EIF4E3: variants seen among roughly 807,000 people sequenced by gnomAD.
EIF4E3 encodes the protein eukaryotic translation initiation factor 4E type 3.
In EIF4E3, 26 loss-of-function variants were observed where a neutral mutation model predicts 31.7. The observed-to-expected ratio is 0.82, with a 90% CI of 0.60 to 1.14. The LOEUF is 1.14. EIF4E3 is among the 50% of genes most tolerant of loss of function. The pLI, the probability that EIF4E3 is intolerant of heterozygous loss-of-function variation, is 0.00. For missense variants in EIF4E3, 304 were observed against 270.9 expected, an observed-to-expected ratio of 1.12 and a Z score of -0.86; for synonymous variants, 128 against 107.7, an observed-to-expected ratio of 1.19 and a Z score of -1.17.
upstream of EIF4E3, among the ~76,000 whole-genome samples, chr3:71,753,797 G>A (rs1218158656): frequency 6.7e-6 from 1 of 148,746 alleles, no homozygotes; most frequent in East Asian, 1.9e-4. Flanking sequence ...GGCCCTGTCC[G>A]CAGTGAAGCC....
intron 6 of EIF4E3, 121 bp downstream of exon 6, chr3:71,689,889 T>C (rs2049039772): frequency 2.0e-6 from 2 of 998,210 alleles, no homozygotes; most frequent in South Asian, 3.6e-5. Context: ...TTTTGTTGAA[T>C]TATTTTCTGA....
intron 2 of EIF4E3, among the ~76,000 whole-genome samples, chr3:71,700,609 G>A (rs1307840682): frequency 9.6e-4 from 80 of 82,926 alleles, no homozygotes; most frequent in African/African-American, 4.0e-3. Flanking sequence ...GCGAGACTCC[G>A]TTTAAAAAAA....
chr3:71,669,645 A>G, the EIF4E3 span, among the ~76,000 whole-genome samples: 1 of 151,774 alleles, frequency 6.6e-6, no homozygotes, highest in South Asian at 2.1e-4. Flanking sequence ...ATCTTCCCAG[A>G]CTCTGGTAAC....
chr3:71,693,094 A>T (rs2049086004), intron 5 of EIF4E3, among the ~76,000 whole-genome samples: 1 of 152,156 alleles, frequency 6.6e-6, no homozygotes, highest in African/African-American at 2.4e-5. Flanking sequence ...ACTTAACTGA[A>T]AGCTGGGGAA....
At chr3:71,664,409 G>A in the EIF4E3 span, among the ~76,000 whole-genome samples, 2 of 151,908 alleles carry the variant, frequency 1.3e-5, no homozygotes, top group African/African-American at 2.4e-5. Flanking sequence ...GTGGGGGGTG[G>A]GGGGAGAATC....
intron 1 of EIF4E3, among the ~76,000 whole-genome samples, chr3:71,715,683 T>A (rs996386396): frequency 1.3e-5 from 2 of 152,184 alleles, no homozygotes; most frequent in Admixed American, 6.5e-5. Flanking sequence ...GAACAATAAA[T>A]GCCCCTGGAT....
At chr3:71,701,609 G>A (rs1401822004) in intron 2 of EIF4E3, among the ~76,000 whole-genome samples, 3 of 152,190 alleles carry the variant, frequency 2.0e-5, no homozygotes, top group Non-Finnish European at 2.9e-5. Flanking sequence ...AAAGCAGCAC[G>A]AGTAAAATAG....
chr3:71,740,186 A>T (rs2049805917), intron 1 of EIF4E3, among the ~76,000 whole-genome samples: 1 of 152,158 alleles, frequency 6.6e-6, no homozygotes. Context: ...GGAAGCAAAG[A>T]GCAGTTAAGA....
At chr3:71,692,283 C>T (rs1384075754) in intron 5 of EIF4E3, among the ~76,000 whole-genome samples, 2 of 152,204 alleles carry the variant, frequency 1.3e-5, no homozygotes, top group Non-Finnish European at 2.9e-5. Flanking sequence ...GATTAGCTGA[C>T]TTGCTTAAAG....
At chr3:71,702,534 T>C (rs2049232514) in intron 2 of EIF4E3, among the ~76,000 whole-genome samples, 1 of 152,166 alleles carries the variant, frequency 6.6e-6, no homozygotes, top group South Asian at 2.1e-4. Flanking sequence ...GGATTGGAGC[T>C]TTAGAAGCTT....
At chr3:71,712,644 G>GGGGGGGGGGGGGTGC (rs35405190) in intron 1 of EIF4E3, among the ~76,000 whole-genome samples, 1 of 123,988 alleles carries the variant, frequency 8.1e-6, no homozygotes, top group African/African-American at 3.2e-5. Context: ...GTGGGCGGGG[G>GGGGGGGGGGGGGTGC]AGATTCTAGG....
intron 1 of EIF4E3, among the ~76,000 whole-genome samples, chr3:71,746,370 T>C (rs1168752147): frequency 6.6e-6 from 1 of 152,238 alleles, no homozygotes; most frequent in East Asian, 1.9e-4. Flanking sequence ...ATAAAGCTAT[T>C]GGTTAAATAA....
downstream of EIF4E3, among the ~76,000 whole-genome samples, chr3:71,670,417 C>G (rs984352019): frequency 1.3e-5 from 2 of 152,150 alleles, no homozygotes; most frequent in African/African-American, 2.4e-5. Flanking sequence ...ATTGCACCCC[C>G]CCAACCCCCG....
downstream of EIF4E3, among the ~76,000 whole-genome samples, chr3:71,670,753 T>G (rs115141443): frequency 0.02 from 3,061 of 152,250 alleles, 46 homozygotes; most frequent in Middle Eastern, 0.044. Context: ...ACTATCAAGA[T>G]CTATCCATGA....
chr3:71,710,339 C>G, intron 2 of EIF4E3, 73 bp downstream of exon 2: 1 of 1,498,446 alleles, frequency 6.7e-7, no homozygotes, highest in Non-Finnish European at 9.1e-7. Context: ...AGCACAGCAA[C>G]AGATTTCAAG....
chr3:71,705,163 C>CA (rs1442562347), intron 2 of EIF4E3, among the ~76,000 whole-genome samples: 1 of 152,142 alleles, frequency 6.6e-6, no homozygotes, highest in African/African-American at 2.4e-5. Context: ...ACACCACACA[C>CA]CATGGGCTGT....
At chr3:71,717,295 G>A (rs2049479995) in intron 1 of EIF4E3, among the ~76,000 whole-genome samples, 1 of 152,190 alleles carries the variant, frequency 6.6e-6, no homozygotes, top group South Asian at 2.1e-4. Flanking sequence ...TCTAAATCAA[G>A]TTATCGTAAG....
intron 1 of EIF4E3, among the ~76,000 whole-genome samples, chr3:71,714,118 A>C (rs1224588996): frequency 6.6e-6 from 1 of 152,124 alleles, no homozygotes; most frequent in Non-Finnish European, 1.5e-5. Flanking sequence ...AGTCTGAGGC[A>C]GGAGAATCGT....
intron 1 of EIF4E3, among the ~76,000 whole-genome samples, chr3:71,733,387 CA>C (rs1399240507): frequency 6.6e-6 from 1 of 152,180 alleles, no homozygotes; most frequent in Non-Finnish European, 1.5e-5. Context: ...TTGGGGATTT[CA>C]TTTACGGTTC....
Sources: allele counts gnomAD v4.1 joint callset (sites outside exome capture counted in the v4.1 genomes callset), GRCh38; gene constraint gnomAD v4.1.1; transcripts MANE v1.5; gene names NCBI Gene and HGNC (gene_info 2026-07-23, HGNC 2026-07-21).